Variants in TTC27 observed in about 807,000 individuals in gnomAD.
The protein encoded by TTC27 is tetratricopeptide repeat protein 27.
A neutral mutation model predicts 115.9 loss-of-function variants in TTC27; 79 were observed. The ratio of observed to expected loss-of-function variants is 0.68; its 90% CI spans 0.57 to 0.82. The LOEUF is 0.82. TTC27 is among the 40% of genes least tolerant of loss of function. TTC27 has a pLI of 0.00. For synonymous variants in TTC27, 401 were observed against 356.0 expected, an observed-to-expected ratio of 1.13 and a Z score of -1.42; for missense variants, 1,054 against 993.1, an observed-to-expected ratio of 1.06 and a Z score of -0.82.
intron 16 of TTC27, 60 bp from the exon 17 acceptor site, chr2:32,810,964 T>G: frequency 6.4e-7 from 1 of 1,561,062 alleles, no homozygotes; most frequent in Non-Finnish European, 8.8e-7. Flanking sequence ...GAGATAGCTC[T>G]TTGTTTTTGT....
intron 5 of TTC27, among the ~76,000 whole-genome samples, chr2:32,663,391 A>G (rs184169136): frequency 6.6e-6 from 1 of 152,284 alleles, no homozygotes; most frequent in East Asian, 1.9e-4. Flanking sequence ...TTCTCATGGC[A>G]CAGTCCCTCA....
chr2:32,706,918 C>T (rs1667393464), intron 10 of TTC27, among the ~76,000 whole-genome samples: 1 of 152,186 alleles, frequency 6.6e-6, no homozygotes, highest in African/African-American at 2.4e-5. Context: ...ACATGACTTC[C>T]TGTCCTCTTT....
chr2:32,806,340 G>A (rs1486939576), intron 16 of TTC27, among the ~76,000 whole-genome samples: 1 of 151,908 alleles, frequency 6.6e-6, no homozygotes, highest in Non-Finnish European at 1.5e-5. Context: ...AAATACTATC[G>A]TAACACTCTT....
chr2:32,663,717 C>T (rs1306793642), intron 5 of TTC27, among the ~76,000 whole-genome samples: 1 of 152,100 alleles, frequency 6.6e-6, no homozygotes, highest in Non-Finnish European at 1.5e-5. Flanking sequence ...CGGGTTCTTG[C>T]TCTGTCGCTC....
chr2:32,734,614 G>A (rs1668393822), intron 11 of TTC27, among the ~76,000 whole-genome samples: 1 of 152,132 alleles, frequency 6.6e-6, no homozygotes, highest in Admixed American at 6.6e-5. Context: ...TATTATAGGT[G>A]TAGTTCCCTA....
intron 9 of TTC27, among the ~76,000 whole-genome samples, chr2:32,682,558 A>C (rs965854990): frequency 6.6e-6 from 1 of 152,114 alleles, no homozygotes; most frequent in African/African-American, 2.4e-5. Flanking sequence ...CTTGCTGCGC[A>C]TCCATTTCCC....
intron 10 of TTC27, among the ~76,000 whole-genome samples, chr2:32,733,272 A>G (rs776247702): frequency 6.6e-6 from 1 of 152,200 alleles, no homozygotes; most frequent in Non-Finnish European, 1.5e-5. Flanking sequence ...GGATTCTTTC[A>G]TGTATGTGGG....
chr2:32,799,997 G>A (rs747679795), intron 16 of TTC27, among the ~76,000 whole-genome samples: 3 of 152,190 alleles, frequency 2.0e-5, no homozygotes, highest in Non-Finnish European at 4.4e-5. Flanking sequence ...CCAGTCACTG[G>A]CTGCGTCGCC....
chr2:32,663,904 C>T (rs536137598), intron 5 of TTC27, among the ~76,000 whole-genome samples: 3 of 151,976 alleles, frequency 2.0e-5, no homozygotes, highest in Non-Finnish European at 2.9e-5. Context: ...AGGCTGGTCT[C>T]GAACTCCTGA....
intron 8 of TTC27, among the ~76,000 whole-genome samples, chr2:32,674,154 C>CT (rs1296988706): frequency 1.8e-3 from 255 of 142,412 alleles, no homozygotes; most frequent in Middle Eastern, 0.011. Flanking sequence ...AAATCTTGTT[C>CT]TTTTTTTTTT....
intron 3 of TTC27, among the ~76,000 whole-genome samples, chr2:32,636,160 G>A (rs571487195): frequency 6.6e-6 from 1 of 152,272 alleles, no homozygotes; most frequent in East Asian, 1.9e-4. Flanking sequence ...AACAGCCAAA[G>A]CCATAAATAT....
chr2:32,817,303 A>G (rs1324601240), intron 18 of TTC27, among the ~76,000 whole-genome samples, 154 bp from the exon 19 acceptor site: 1 of 152,154 alleles, frequency 6.6e-6, no homozygotes, highest in Non-Finnish European at 1.5e-5. Flanking sequence ...CTATGTACAT[A>G]ATTATTATTC....
intron 5 of TTC27, among the ~76,000 whole-genome samples, chr2:32,660,365 A>T (rs1004193763): frequency 1.1e-4 from 17 of 152,150 alleles, no homozygotes; most frequent in African/African-American, 3.6e-4. Flanking sequence ...CATCAATGAT[A>T]GACTGGATAA....
Position 32,640,382 on chromosome 2 carries a change from A to G in TTC27, c.509A>G (p.Asn170Ser). 6.2e-7 allele frequency: 1 copy of G among 1,613,920 alleles called. No homozygotes were observed. Among genetic ancestry groups the G allele is most frequent in the South Asian group, 1.1e-5 (1 of 91,062 alleles). The change falls in exon 4 of 20, where the codon AAT (asparagine) becomes AGT (serine). Residue 170 changes from asparagine to serine, a missense_variant. Physicochemically the swap from Asn to Ser is conservative, Grantham distance 46 (BLOSUM62 1). Transcript: ENST00000317907. ...TTATTAGCACGCATTATCCTAGTGAATGTAAGACATAAACTGACAGCTATT... is the reference window on the plus strand; with the variant it reads ...TTATTAGCACGCATTATCCTAGTGAGTGTAAGACATAAACTGACAGCTATT... The part of the protein sequence containing the change: ...LLLLARIILV[N>S]VRHKLTAIQS...
At chr2:32,742,144 T>A (rs754554670) in intron 12 of TTC27, among the ~76,000 whole-genome samples, 5 of 152,236 alleles carry the variant, frequency 3.3e-5, no homozygotes, top group Non-Finnish European at 7.4e-5. Flanking sequence ...CATTACTAAG[T>A]GGCAGTTTTG....
chr2:32,811,354 T>A, intron 17 of TTC27, 133 bp downstream of exon 17: 1 of 845,288 alleles, frequency 1.2e-6, no homozygotes, highest in African/African-American at 1.7e-5. Flanking sequence ...CAGTTCTGAT[T>A]CAGTCTTTAA....
At chr2:32,663,332 CA>C (rs377606793) in intron 5 of TTC27, among the ~76,000 whole-genome samples, 144 of 152,298 alleles carry the variant, frequency 9.5e-4, no homozygotes, top group East Asian at 5.2e-3. Flanking sequence ...TCCTGGCCTG[CA>C]GGTTGAGAAG....
chr2:32,695,718 C>CAAAA (rs66677186), intron 9 of TTC27, among the ~76,000 whole-genome samples: 2 of 29,706 alleles, frequency 6.7e-5, no homozygotes, highest in Admixed American at 1.3e-3. Context: ...GGCTCTATCT[C>CAAAA]AAAAAAAAAA....
chr2:32,728,669 A>G (rs1014516741), intron 10 of TTC27, among the ~76,000 whole-genome samples: 9 of 152,218 alleles, frequency 5.9e-5, no homozygotes, highest in African/African-American at 2.2e-4. Context: ...TTGGAGTCTG[A>G]CAGGCTCACC....
Sources: allele counts gnomAD v4.1 joint callset (sites outside exome capture counted in the v4.1 genomes callset), GRCh38; gene constraint gnomAD v4.1.1; transcripts MANE v1.5; gene names NCBI Gene and HGNC (gene_info 2026-07-23, HGNC 2026-07-21).